Variants in PHACTR2 observed in about 807,000 individuals in gnomAD.
PHACTR2 encodes the protein phosphatase and actin regulator 2, also known as chromosome 6 open reading frame 56.
A neutral mutation model predicts 76.0 loss-of-function variants in PHACTR2; 30 were observed. The observed-to-expected ratio is 0.39, with a 90% CI of 0.30 to 0.54. The LOEUF is 0.54. Ranked by LOEUF, PHACTR2 falls within the 20% of genes least tolerant of loss-of-function variation. PHACTR2 has a pLI of 0.61. For missense variants in PHACTR2, 696 were observed against 781.1 expected (o/e 0.89, Z 1.30); for synonymous variants, 292 against 292.5 (o/e 1.00, Z 0.02).
At chr6:143,666,551 CT>C (rs1229034133) in intron 1 of PHACTR2, among the ~76,000 whole-genome samples, 1 of 152,174 alleles carries the variant, frequency 6.6e-6, no homozygotes, top group East Asian at 1.9e-4. Context: ...TGTTTCCTGA[CT>C]TTTTAATGAT....
Position 143,753,408 on chromosome 6 carries a change from C to T in PHACTR2, c.296-346C>T, listed in dbSNP as rs1779228855. Among the ~76,000 whole-genome samples the T allele has an allele frequency of 6.6e-6, 1 of 151,958 alleles. No homozygotes were observed. The highest frequency in any genetic ancestry group is 6.6e-5 in the Admixed American group (1 of 15,256). On this transcript the variant is annotated intron_variant, in intron 3 of 12. Transcript: ENST00000440869. This position sits in a 1 kb window ranked among gnomAD's most constrained non-coding sequence, Gnocchi z 4.6. ...GTTTATTCCATTTTCCAGATTATTC[C>T]TCTCGCCATTCTGTTTCTGAATGAC...
intron 1 of PHACTR2, among the ~76,000 whole-genome samples, chr6:143,701,690 G>T (rs1302899274): frequency 6.6e-6 from 1 of 152,156 alleles, no homozygotes; most frequent in Non-Finnish European, 1.5e-5. Context: ...TAGTTGCTTG[G>T]TCTCTCAGCC....
chr6:143,689,030 A>T lies in PHACTR2; in HGVS notation c.46+10821A>T, dbSNP rs1275859965. Among the ~76,000 whole-genome samples the T allele has an allele frequency of 6.6e-6, 1 of 152,066 alleles. No individual in the cohort carries two copies. Among genetic ancestry groups the T allele is most frequent in the Admixed American group, 6.5e-5 (1 of 15,272 alleles). On this transcript the variant is annotated intron_variant, in intron 1 of 12. Transcript: ENST00000440869. The surrounding 1 kb of genome is among the most constrained non-coding windows in gnomAD (Gnocchi z 4.4). ...CTCTGGTCCCCTCACTGCCTTTTTC[A>T]GTCCTCAAACAAGCCTGGATCAGTC...
chr6:143,818,030 G>A lies in PHACTR2; in HGVS notation c.1923-5644G>A, dbSNP rs1776337440. ...ACACAAAGAAATGATAAATGTGTAG[G>A]ATGATTGATTTGCTAGTTTGATCAT... On this transcript the variant is annotated intron_variant, in intron 12 of 12. Transcript: ENST00000440869. This position sits in a 1 kb window ranked among gnomAD's most constrained non-coding sequence, Gnocchi z 4.9. Among the ~76,000 whole-genome samples, 1 of 152,204 alleles carries A rather than the reference G, an allele frequency of 6.6e-6. No homozygotes were observed. Among genetic ancestry groups the A allele is most frequent in the Middle Eastern group, 3.4e-3 (1 of 292 alleles).
intron 11 of PHACTR2, among the ~76,000 whole-genome samples, chr6:143,796,631 A>G (rs1224706585): frequency 6.6e-6 from 1 of 151,348 alleles, no homozygotes; most frequent in African/African-American, 2.4e-5. Flanking sequence ...TTATTGTTCA[A>G]CTCCCACTTA....
rs1345647449 is a variant in PHACTR2 at position 143,595,087 on chromosome 6, G to C, written c.217+57880G>C. Among the ~76,000 whole-genome samples the C allele has an allele frequency of 1.3e-5, 2 of 152,166 alleles. No individual in the cohort carries two copies. The highest frequency in any genetic ancestry group is 4.8e-5 in the African/African-American group (2 of 41,438). On this transcript the variant is annotated intron_variant, in intron 1 of 11. Coordinates refer to the PHACTR2 transcript ENST00000367584. This position sits in a 1 kb window ranked among gnomAD's most constrained non-coding sequence, Gnocchi z 4.2. The stretch of plus-strand genomic sequence containing the variant: ...TCTTCAAACCAGGTTTTAGAAGCAA[G>C]ACAATTTTAGATTCTCATAGTAAGA...
rs1170781923 is a variant in PHACTR2, at chr6:143,755,957, A to G, written c.454+2045A>G. On this transcript the variant is annotated intron_variant, in intron 4 of 12. Transcript: ENST00000440869. The surrounding 1 kb of genome is among the most constrained non-coding windows in gnomAD (Gnocchi z 5.2). The stretch of plus-strand genomic sequence containing the variant: ...CTGGTCTCACTGCTTGTGTGAGCTC[A>G]CTGCCGTGCAAACCCCACCATCCCA... Among the ~76,000 whole-genome samples, 3 of 151,970 alleles carry G rather than the reference A, an allele frequency of 2.0e-5. No individual in the cohort carries two copies. Among genetic ancestry groups the G allele is most frequent in the African/African-American group, 7.3e-5 (3 of 41,360 alleles).
intron 1 of PHACTR2, chr6:143,711,788 C>T (rs956877383): frequency 1.4e-6 from 1 of 707,684 alleles, no homozygotes; most frequent in Non-Finnish European, 2.6e-6. Flanking sequence ...AAGTCTCTTG[C>T]TTCTAGTCTG....
rs573376920 is a variant in PHACTR2 at position 143,539,346 on chromosome 6, C to A, written c.217+2139C>A. Among the ~76,000 whole-genome samples, 6 of 152,314 alleles carry A rather than the reference C, an allele frequency of 3.9e-5. No homozygotes were observed. The highest frequency in any genetic ancestry group is 1.2e-4 in the African/African-American group (5 of 41,566). Reference sequence around the variant, plus strand: ...CATGTACCTGATTTCATTTTCAGAACTGAGCCTCGGATCCCTTTAAGAGCA... The same window carrying A: ...CATGTACCTGATTTCATTTTCAGAAATGAGCCTCGGATCCCTTTAAGAGCA... On this transcript the variant is annotated intron_variant, in intron 1 of 11. Coordinates refer to the PHACTR2 transcript ENST00000367584. The surrounding 1 kb of genome is among the most constrained non-coding windows in gnomAD (Gnocchi z 4.3).
At position 143,717,044 on chromosome 6, in the gene PHACTR2, G is replaced by A. The variant is rs74953770; in HGVS notation, c.214+4861G>A. Reference sequence around the variant, plus strand: ...ACTGGGTCTGCATTGCTTCTTCAGTGAAACCCAGACTCCTCAGCTCTTCTC... The same window carrying A: ...ACTGGGTCTGCATTGCTTCTTCAGTAAAACCCAGACTCCTCAGCTCTTCTC... On this transcript the variant is annotated intron_variant, in intron 2 of 12. Coordinates refer to ENST00000440869, the MANE Select transcript of PHACTR2 (RefSeq NM_001100164.2). 4.3e-3 allele frequency among the ~76,000 whole-genome samples: 653 copies of A among 152,274 alleles called. 3 individuals carry two copies. Among genetic ancestry groups the A allele is most frequent in the Non-Finnish European group, 7.3e-3 (494 of 68,010 alleles).
In PHACTR2 at chr6:143,679,235, G is replaced by A. The variant is rs559419930; in HGVS notation, c.46+1026G>A. On this transcript the variant is annotated intron_variant, in intron 1 of 12. Transcript: ENST00000440869. The surrounding 1 kb of genome is among the most constrained non-coding windows in gnomAD (Gnocchi z 4.6). ...CCCCACCCCACTTTATACCCAGTGG[G>A]TTTCTTTAGGTAGCACAGCTTCACT... Among the ~76,000 whole-genome samples the A allele has an allele frequency of 1.2e-4, 18 of 152,220 alleles. No individual in the cohort carries two copies. In the South Asian group the frequency reaches 2.3e-3, roughly 19 times the overall value.
In PHACTR2 at chr6:143,772,508, A is replaced by G; in HGVS notation, c.1432+51A>G. The G allele has an allele frequency of 1.5e-6, 2 of 1,333,928 alleles. No homozygotes were observed. The highest frequency in any genetic ancestry group is 2.4e-5 in the South Asian group (2 of 81,654). 82.6% of individuals were successfully genotyped at this position (1,333,928 alleles called of 1,614,324 possible). ...AGGAGCGTGGGTGATAAGCAGAAGCAGCTGCAGTTTATAAAGAATAAAAGC... is the reference window on the plus strand; with the variant it reads ...AGGAGCGTGGGTGATAAGCAGAAGCGGCTGCAGTTTATAAAGAATAAAAGC... On this transcript the variant is annotated intron_variant, in intron 7 of 12. Coordinates refer to ENST00000440869, the MANE Select transcript of PHACTR2 (RefSeq NM_001100164.2). The surrounding 1 kb of genome is among the most constrained non-coding windows in gnomAD (Gnocchi z 5.4).
chr6:143,636,850 T>C (rs1776463850), intron 1 of PHACTR2, among the ~76,000 whole-genome samples: 1 of 152,260 alleles, frequency 6.6e-6, no homozygotes, highest in South Asian at 2.1e-4. Context: ...CATTAAAGCA[T>C]AAATGTCGAG....
At chr6:143,644,649 A>T (rs78981335) in intron 1 of PHACTR2, among the ~76,000 whole-genome samples, 1 of 151,788 alleles carries the variant, frequency 6.6e-6, no homozygotes, top group East Asian at 1.9e-4. Context: ...CAGGATATGT[A>T]TTATAATCAA....
chr6:143,770,259 C>T (rs1311412457), intron 6 of PHACTR2, among the ~76,000 whole-genome samples: 4 of 152,146 alleles, frequency 2.6e-5, no homozygotes, highest in African/African-American at 7.2e-5. Context: ...TACAAAAAGA[C>T]AAACATTGTA....
chr6:143,613,944 C>T (rs144127959), intron 1 of PHACTR2, among the ~76,000 whole-genome samples: 62 of 152,224 alleles, frequency 4.1e-4, no homozygotes, highest in Middle Eastern at 3.4e-3. Flanking sequence ...ATGCTGAGGC[C>T]GGGCGTGGTG....
At chr6:143,567,018 T>G (rs1775373352) in intron 1 of PHACTR2, among the ~76,000 whole-genome samples, 1 of 152,116 alleles carries the variant, frequency 6.6e-6, no homozygotes, top group Admixed American at 6.5e-5. Context: ...TGTAGATGAT[T>G]TATCTAAAGC....
At chr6:143,590,053 CT>C (rs1248304822) in intron 1 of PHACTR2, among the ~76,000 whole-genome samples, 1 of 152,176 alleles carries the variant, frequency 6.6e-6, no homozygotes, top group Non-Finnish European at 1.5e-5. Context: ...GCAATTAAAA[CT>C]CATGGTAGCA....
rs773068614 is a variant in PHACTR2, at chr6:143,678,852, T to C, written c.46+643T>C. ...CGTGTGTAACGTGTCTGAGTTCTAA[T>C]GCTCTGTTTTAAAAGTTTCTTTTTT... On this transcript the variant is annotated intron_variant, in intron 1 of 12. Transcript: ENST00000440869. The surrounding 1 kb of genome is among the most constrained non-coding windows in gnomAD (Gnocchi z 6.2). 3.9e-5 allele frequency among the ~76,000 whole-genome samples: 6 copies of C among 152,200 alleles called. No individual in the cohort carries two copies. Among genetic ancestry groups the C allele is most frequent in the Non-Finnish European group, 7.4e-5 (5 of 68,004 alleles).
Sources: gnomAD v4.1 joint callset for allele counts (sites outside exome capture counted in the v4.1 genomes callset) on GRCh38, gnomAD v4.1.1 for gene constraint, Gnocchi (gnomAD v3.1) non-coding constraint, MANE v1.5 for transcripts, NCBI Gene and HGNC (gene_info 2026-07-23, HGNC 2026-07-21) for gene names.